RASGEF1A: variants seen among roughly 807,000 people sequenced by gnomAD.
RASGEF1A encodes RasGEF domain family member 1A.
In RASGEF1A, 18 loss-of-function variants were observed where a neutral mutation model predicts 56.4. The observed-to-expected ratio is 0.32, with a 90% confidence interval of 0.22 to 0.47. The LOEUF (loss-of-function observed/expected upper bound fraction) is 0.47. Ranked by LOEUF, RASGEF1A falls within the 20% of genes least tolerant of loss-of-function variation. The pLI is 1.00. For missense variants in RASGEF1A, 422 were observed against 627.1 expected (o/e 0.67, Z 3.49); for synonymous variants, 245 against 242.6 (o/e 1.01, Z -0.09).
chr10:43,214,842 T>C (rs1482843374), intron 1 of RASGEF1A, among the ~76,000 whole-genome samples: 1 of 152,180 alleles, frequency 6.6e-6, no homozygotes, highest in Non-Finnish European at 1.5e-5. Context: ...GGCCATTCCA[T>C]GACTCATCTC....
At chr10:43,261,842 G>C (rs1836534059) in intron 1 of RASGEF1A, among the ~76,000 whole-genome samples, 1 of 152,234 alleles carries the variant, frequency 6.6e-6, no homozygotes, top group South Asian at 2.1e-4. Flanking sequence ...CATGCTCAGA[G>C]CACCGGCCAG....
chr10:43,239,152 T>C (rs986497087), intron 1 of RASGEF1A, among the ~76,000 whole-genome samples: 2 of 152,188 alleles, frequency 1.3e-5, no homozygotes, highest in East Asian at 3.9e-4. Flanking sequence ...GTAGGTGGGC[T>C]GCCACACATG....
chr10:43,202,522 GCTCAGGCGCCGCGCCCCCATC>G (rs1839917046), intron 3 of RASGEF1A: 1 of 449,884 alleles, frequency 2.2e-6, no homozygotes, highest in South Asian at 1.6e-5. Context: ...TGTGCCCGAT[GCTCAGGCGCCGCGCCCCCATC>G]CTCCAATCCC....
intron 1 of RASGEF1A, among the ~76,000 whole-genome samples, chr10:43,223,915 A>C (rs1840241069): frequency 6.6e-6 from 1 of 152,216 alleles, no homozygotes; most frequent in South Asian, 2.1e-4. Context: ...GGCATGAAAA[A>C]AGGGAATCTA....
chr10:43,206,633 T>C (rs1429560382), intron 1 of RASGEF1A: 2 of 989,388 alleles, frequency 2.0e-6, no homozygotes, highest in East Asian at 2.2e-4. Flanking sequence ...CTGCATGTGC[T>C]GCTTCACTGA....
At chr10:43,206,414 CAAG>C (rs1307002077) in intron 1 of RASGEF1A, among the ~76,000 whole-genome samples, 2 of 152,202 alleles carry the variant, frequency 1.3e-5, no homozygotes, top group African/African-American at 4.8e-5. Context: ...GAAAAATGTC[CAAG>C]AAGGGACAGG....
At chr10:43,221,724 G>A (rs971129122) in intron 1 of RASGEF1A, among the ~76,000 whole-genome samples, 10 of 152,246 alleles carry the variant, frequency 6.6e-5, no homozygotes, top group African/African-American at 2.4e-4. Flanking sequence ...GGCCCGTGCT[G>A]CATTCTAGCC....
At chr10:43,212,986 C>T (rs1204621123) in intron 1 of RASGEF1A, among the ~76,000 whole-genome samples, 2 of 152,188 alleles carry the variant, frequency 1.3e-5, no homozygotes, top group African/African-American at 4.8e-5. Context: ...TTAAGTGGAG[C>T]AAGCCAGGCA....
intron 1 of RASGEF1A, among the ~76,000 whole-genome samples, chr10:43,239,471 A>T (rs1879309): frequency 0.77 from 116,785 of 152,212 alleles, 44,977 homozygotes; most frequent in East Asian, 0.96. Context: ...CAGAATCCAC[A>T]TTTTTAGAAC....
intron 1 of RASGEF1A, among the ~76,000 whole-genome samples, chr10:43,233,663 G>A (rs1840398493): frequency 6.6e-6 from 1 of 152,142 alleles, no homozygotes. Context: ...TCAGCTGCTG[G>A]CGGCGCGGCA....
At chr10:43,250,644 G>C (rs556775415) in intron 1 of RASGEF1A, among the ~76,000 whole-genome samples, 31 of 151,306 alleles carry the variant, frequency 2.0e-4, no homozygotes, top group African/African-American at 6.1e-4. Flanking sequence ...GAAGGGGAAG[G>C]GGGGGGTCAG....
chr10:43,233,823 G>A (rs1161586182), intron 1 of RASGEF1A, among the ~76,000 whole-genome samples: 1 of 152,216 alleles, frequency 6.6e-6, no homozygotes, highest in African/African-American at 2.4e-5. Flanking sequence ...GTCTGCAGCA[G>A]CCCTACTCAC....
At position 43,208,120 on chromosome 10, in the gene RASGEF1A, G is replaced by C. The variant is rs747231739; in HGVS notation, c.-6-1998C>G. 3.0e-6 allele frequency: 3 copies of C among 985,360 alleles called. No homozygotes were observed. The African/African-American group carries it at 5.2e-5, about 17-fold the overall frequency. 61.0% of individuals were successfully genotyped at this position (985,360 alleles called of 1,614,324 possible). ...CTCAGCACTGTCTCAGGCATCTGAG[G>C]CCAATGCACTGTGGGACAACCTCCC... is the stretch of plus-strand genomic sequence containing the variant. On this transcript the variant is annotated intron_variant, in intron 1 of 12. Transcript: ENST00000395810.
intron 5 of RASGEF1A, 60 bp downstream of exon 5, chr10:43,200,607 G>GA (rs1482723791): frequency 6.1e-6 from 9 of 1,478,058 alleles, no homozygotes; most frequent in Non-Finnish European, 7.4e-6. Flanking sequence ...GTGCTGTGCT[G>GA]AAAGAGGCAC....
At chr10:43,227,547 G>A (rs1449420666) in intron 1 of RASGEF1A, among the ~76,000 whole-genome samples, 3 of 152,216 alleles carry the variant, frequency 2.0e-5, no homozygotes, top group Non-Finnish European at 4.4e-5. Context: ...AGCAAGATGG[G>A]CTTTGGGCCT....
At chr10:43,262,212 CCCCCT>C (rs1489570515) in intron 1 of RASGEF1A, among the ~76,000 whole-genome samples, 1 of 152,188 alleles carries the variant, frequency 6.6e-6, no homozygotes, top group Non-Finnish European at 1.5e-5. Context: ...TCAGAACGCG[CCCCCT>C]CTCCTCTCCC....
chr10:43,200,637 C>A, intron 5 of RASGEF1A, 30 bp downstream of exon 5: 1 of 1,585,456 alleles, frequency 6.3e-7, no homozygotes. Flanking sequence ...ACAGCCCCCA[C>A]CCCCAGTCAG....
At chr10:43,199,870 C>A in intron 6 of RASGEF1A, 102 bp from the exon 7 acceptor site, 1 of 975,484 alleles carries the variant, frequency 1.0e-6, no homozygotes, top group East Asian at 2.6e-5. Context: ...CAGCCTGCAC[C>A]GCAGCAGCCT....
chr10:43,196,362 C>T lies in RASGEF1A; in HGVS notation c.1422-94G>A. On this transcript the variant is annotated intron_variant, in intron 12 of 12. Coordinates refer to ENST00000395810, the MANE Select transcript of RASGEF1A (RefSeq NM_145313.4). The surrounding 1 kb of genome is among the most constrained non-coding windows in gnomAD (Gnocchi z 4.6). ...CTCCCACCAAACATGCACCAGGGAC[C>T]CTGGACCAGGGACGCGGCAGTGCCC... 1 of 1,573,552 alleles carries T rather than the reference C, an allele frequency of 6.4e-7. No homozygotes were observed.
Sources: gnomAD v4.1 joint callset for allele counts (sites outside exome capture counted in the v4.1 genomes callset) on GRCh38, gnomAD v4.1.1 for gene constraint, Gnocchi (gnomAD v3.1) non-coding constraint, MANE v1.5 for transcripts, NCBI Gene and HGNC (gene_info 2026-07-23, HGNC 2026-07-21) for gene names.